PHF20: variants seen among roughly 807,000 people sequenced by gnomAD.
PHF20 encodes the protein glioma-expressed antigen 2.
Under a neutral mutation model 113.5 loss-of-function variants are expected in PHF20, and 23 were observed. That is an observed-to-expected ratio of 0.20 (90% CI 0.15 to 0.29). PHF20 has a LOEUF of 0.29. PHF20 is among the 10% of genes least tolerant of loss of function. The pLI, the probability that PHF20 is intolerant of heterozygous loss-of-function variation, is 1.00. For synonymous variants in PHF20, 434 were observed against 457.3 expected, an observed-to-expected ratio of 0.95 and a Z score of 0.65; for missense variants, 943 against 1,219.6, an observed-to-expected ratio of 0.77 and a Z score of 3.38.
chr20:35,937,243 C>T lies in PHF20; in HGVS notation c.2301-1454C>T, dbSNP rs200681028. Among the ~76,000 whole-genome samples, 28 of 152,058 alleles carry T rather than the reference C, an allele frequency of 1.8e-4. No individual in the cohort carries two copies. The East Asian group carries it at 3.5e-3, about 19-fold the overall frequency. ...CAGCACTTTGGGAGGTCGAGGTGGG[C>T]GGATCACCTGAGGTTGGGAGTTCGA... On this transcript the variant is annotated intron_variant, in intron 15 of 17. Transcript: ENST00000374012.
intron 4 of PHF20, among the ~76,000 whole-genome samples, chr20:35,852,810 G>T (rs934931888): frequency 2.0e-5 from 3 of 151,788 alleles, no homozygotes; most frequent in African/African-American, 7.3e-5. Context: ...TGTTGGTTAG[G>T]CTGGTCTTGA....
chr20:35,811,927 C>A (rs906776204), intron 2 of PHF20, among the ~76,000 whole-genome samples: 14 of 150,794 alleles, frequency 9.3e-5, no homozygotes, highest in African/African-American at 1.2e-4. Flanking sequence ...CCCGCCACCA[C>A]GCCCGGCTAA....
At chr20:35,843,775 C>T (rs1034752842) in intron 3 of PHF20, among the ~76,000 whole-genome samples, 4 of 152,060 alleles carry the variant, frequency 2.6e-5, no homozygotes, top group African/African-American at 7.2e-5. Context: ...GACAGTGTCT[C>T]GTATTGTTGC....
chr20:35,917,563 C>T lies in PHF20; in HGVS notation c.1905C>T (p.Thr635=). Residue 635 remains threonine (T), a synonymous_variant, in exon 13 of 18, where the codon ACC becomes ACT. Transcript: ENST00000374012. The stretch of plus-strand genomic sequence containing the variant: ...AGTATGGCCAAGATGTGGATGTGAC[C>T]ACCAACCCAGATGAGGAACTTGATG... ...DDEYGQDVDV[T]TNPDEELDGD... 6.2e-7 allele frequency: 1 copy of T among 1,613,938 alleles called. No homozygotes were observed. The highest frequency in any genetic ancestry group is 1.3e-5 in the African/African-American group (1 of 74,978).
chr20:35,885,775 C>G (rs2054718795), intron 9 of PHF20, among the ~76,000 whole-genome samples: 1 of 152,018 alleles, frequency 6.6e-6, no homozygotes, highest in Non-Finnish European at 1.5e-5. Context: ...TACTATAAAG[C>G]TGTTATTACC....
chr20:35,921,363 C>T (rs953107553), intron 13 of PHF20, among the ~76,000 whole-genome samples: 1 of 151,450 alleles, frequency 6.6e-6, no homozygotes, highest in Non-Finnish European at 1.5e-5. Flanking sequence ...AAAACACACA[C>T]ATTTTGCAGA....
At chr20:35,875,492 A>G (rs964229982) in intron 9 of PHF20, among the ~76,000 whole-genome samples, 4 of 152,002 alleles carry the variant, frequency 2.6e-5, no homozygotes, top group South Asian at 2.1e-4. Context: ...AGCTTCGTCC[A>G]TAGTGTTGTG....
chr20:35,940,278 A>C (rs1466157989), intron 16 of PHF20, among the ~76,000 whole-genome samples: 1 of 152,184 alleles, frequency 6.6e-6, no homozygotes, highest in African/African-American at 2.4e-5. Flanking sequence ...CACATAAAAC[A>C]AAGCCAGGAA....
chr20:35,923,134 A>AC (rs1357652219), intron 13 of PHF20, among the ~76,000 whole-genome samples: 1 of 151,994 alleles, frequency 6.6e-6, no homozygotes, highest in East Asian at 1.9e-4. Context: ...ACAAACAAAA[A>AC]CCCCTAAACA....
chr20:35,788,744 A>G (rs997618641), intron 1 of PHF20, among the ~76,000 whole-genome samples: 1 of 151,174 alleles, frequency 6.6e-6, no homozygotes, highest in Non-Finnish European at 1.5e-5. Context: ...CGCCTGGCTA[A>G]TTTTTGTATT....
At position 35,947,721 on chromosome 20, in the gene PHF20, C is replaced by A; in HGVS notation, c.*94C>A. ...ATAAATAAACCTAGCATGCTGAATG[C>A]ACGTGACACCGACTGACTTCAGGGA... On this transcript the variant is annotated 3_prime_UTR_variant, in exon 18 of 18. Transcript: ENST00000374012. 7.8e-7 allele frequency: 1 copy of A among 1,277,968 alleles called. No homozygotes were observed. The highest frequency in any genetic ancestry group is 1.1e-6 in the Non-Finnish European group (1 of 912,536). 79.2% of individuals were successfully genotyped at this position (1,277,968 alleles called of 1,614,324 possible).
At chr20:35,881,831 T>C (rs929339930) in intron 9 of PHF20, among the ~76,000 whole-genome samples, 2 of 152,250 alleles carry the variant, frequency 1.3e-5, no homozygotes, top group Non-Finnish European at 2.9e-5. Context: ...TAGTATTTGG[T>C]CATGAGGGCC....
At chr20:35,870,004 A>G (rs1209127953) in intron 7 of PHF20, among the ~76,000 whole-genome samples, 1 of 151,852 alleles carries the variant, frequency 6.6e-6, no homozygotes, top group African/African-American at 2.4e-5. Flanking sequence ...TACTAAAAAT[A>G]TAAAAATTAG....
chr20:35,888,684 T>C (rs958444713), intron 9 of PHF20, among the ~76,000 whole-genome samples: 2 of 152,060 alleles, frequency 1.3e-5, no homozygotes, highest in Non-Finnish European at 2.9e-5. Context: ...TCTGGGAGGC[T>C]GAGGCAGGAA....
chr20:35,858,998 C>A (rs953767456), intron 5 of PHF20, among the ~76,000 whole-genome samples: 4 of 152,178 alleles, frequency 2.6e-5, no homozygotes, highest in Non-Finnish European at 4.4e-5. Flanking sequence ...TGCCCTGCGC[C>A]CCACAAGAGC....
chr20:35,924,207 T>A (rs1008787462), intron 13 of PHF20, among the ~76,000 whole-genome samples: 1 of 151,168 alleles, frequency 6.6e-6, no homozygotes, highest in Non-Finnish European at 1.5e-5. Flanking sequence ...TTTTTTTTTT[T>A]TGCGATGGAG....
chr20:35,925,291 G>A (rs2055605894), intron 13 of PHF20, among the ~76,000 whole-genome samples: 1 of 140,264 alleles, frequency 7.1e-6, no homozygotes, highest in Non-Finnish European at 1.5e-5. Context: ...ATGGAATCTC[G>A]CTCTGTTGCC....
At position 35,791,441 on chromosome 20, in the gene PHF20, GTATCTATCTATCTATCTATC is replaced by G. The variant is rs72192292; in HGVS notation, c.-32-10008_-32-9989del. On this transcript the variant is annotated intron_variant, in intron 1 of 17. Coordinates refer to ENST00000374012, the MANE Select transcript of PHF20 (RefSeq NM_016436.5). ...ATATATGTATATATATACCAGAATA[GTATCTATCTATCTATCTATC>G]TATCTATCTATCTATCTATCTATCT... Among the ~76,000 whole-genome samples, 890 of 131,362 alleles carry G rather than the reference GTATCTATCTATCTATCTATC, an allele frequency of 6.8e-3. 11 individuals carry two copies. The highest frequency in any genetic ancestry group is 0.019 in the Middle Eastern group (5 of 264). The allele number at this position is 131,362 out of a possible 152,430, so 86.2% of individuals were successfully genotyped here. A position where few individuals can be genotyped will look rare whatever the true frequency, so the allele number is the denominator to read the frequency against.
At chr20:35,795,150 C>T (rs1448224110) in intron 1 of PHF20, among the ~76,000 whole-genome samples, 1 of 150,228 alleles carries the variant, frequency 6.7e-6, no homozygotes, top group Non-Finnish European at 1.5e-5. Context: ...TGAGATTGCA[C>T]CATTGCACTG....
Sources: allele counts gnomAD v4.1 joint callset (sites outside exome capture counted in the v4.1 genomes callset), GRCh38; gene constraint gnomAD v4.1.1; transcripts MANE v1.5; gene names NCBI Gene and HGNC (gene_info 2026-07-23, HGNC 2026-07-21).